Variants in CRB2 observed in about 807,000 individuals in gnomAD.
CRB2 encodes protein crumbs homolog 2.
Under a neutral mutation model 110.9 loss-of-function variants are expected in CRB2, and 85 were observed. The ratio of observed to expected loss-of-function variants is 0.77; its 90% confidence interval spans 0.64 to 0.92. The LOEUF (loss-of-function observed/expected upper bound fraction) is 0.92, where lower values mean the gene tolerates loss of function less well. Among genes scored for constraint, CRB2 ranks in the 40% least tolerant of loss-of-function variants. The pLI is 0.00. For missense variants in CRB2, 1,843 were observed against 1,851.3 expected (o/e 1.00, Z 0.08); for synonymous variants, 907 against 831.0 (o/e 1.09, Z -1.57).
upstream of CRB2, among the ~76,000 whole-genome samples, chr9:123,355,846 G>A (rs955897728): frequency 3.9e-5 from 6 of 151,912 alleles, no homozygotes; most frequent in African/African-American, 9.7e-5. Flanking sequence ...GGTGGGGAGG[G>A]GGATCCAGGA....
At chr9:123,363,377 A>T (rs926781596) in intron 2 of CRB2, among the ~76,000 whole-genome samples, 189 bp downstream of exon 2, 1 of 152,270 alleles carries the variant, frequency 6.6e-6, no homozygotes, top group African/African-American at 2.4e-5. Context: ...GAGAGTATGT[A>T]TGTGCGGGTG....
In CRB2 at chr9:123,372,368, C is replaced by T. The variant is rs548965069; in HGVS notation, c.2602+26C>T. The T allele has an allele frequency of 3.3e-4, 517 of 1,565,436 alleles. 2 individuals are homozygous for T. The South Asian group carries it at 5.3e-3, about 16-fold the overall frequency. ...GTGAGTGTGTGTCCTGGGCAGCTCC[C>T]GTGCTGGGTGCTGGACACCTAAGCT... On this transcript the variant is annotated intron_variant, in intron 9 of 12. Coordinates refer to ENST00000373631, the MANE Select transcript of CRB2 (RefSeq NM_173689.7).
intron 1 of CRB2, among the ~76,000 whole-genome samples, chr9:123,362,423 TC>T (rs2041878999): frequency 6.6e-6 from 1 of 152,154 alleles, no homozygotes; most frequent in Non-Finnish European, 1.5e-5. Flanking sequence ...TTGAAGCCTG[TC>T]CCAGCGAACA....
chr9:123,376,918 C>G lies in CRB2; in HGVS notation c.3714C>G (p.Leu1238=), dbSNP rs1419569166. ...CCTGTGCCTGCCTCCTCCTCCTCCT[C>G]CTGGGCCTCCTTTCAGGGATCCTGG... The part of the protein sequence containing the change: ...PAACACLLLL[L]LGLLSGILAA... Residue 1238 remains leucine, a synonymous_variant, in exon 13 of 13, where the codon CTC becomes CTG. Transcript: ENST00000373631. 3 of 1,608,522 alleles carry G rather than the reference C, an allele frequency of 1.9e-6. No individual in the cohort carries two copies. Among genetic ancestry groups the G allele is most frequent in the South Asian group, 2.2e-5 (2 of 89,842 alleles).
At chr9:123,368,408 C>T (rs915247924) in intron 6 of CRB2, among the ~76,000 whole-genome samples, 3 of 152,178 alleles carry the variant, frequency 2.0e-5, no homozygotes, top group Non-Finnish European at 2.9e-5. Flanking sequence ...CTCCATGGGC[C>T]GAGGTTCCCC....
At position 123,375,269 on chromosome 9, in the gene CRB2, A is replaced by C. The variant is rs1554785663; in HGVS notation, c.3559A>C (p.Thr1187Pro). The C allele has an allele frequency of 6.2e-7, 1 of 1,611,814 alleles. No individual in the cohort carries two copies. Among genetic ancestry groups the C allele is most frequent in the Non-Finnish European group, 8.5e-7 (1 of 1,179,044 alleles). ...CEANPCLNGG[T>P]CRAAGGVSEC... ...AGCCAACCCCTGCTTGAATGGGGGC[A>C]CCTGCCGGGCAGCTGGAGGGGTGTC... The change falls in exon 12 of 13, where the codon ACC becomes CCC. Residue 1187 changes from threonine to proline, a missense_variant. Transcript: ENST00000373631.
intron 6 of CRB2, among the ~76,000 whole-genome samples, chr9:123,368,153 G>T (rs986326852): frequency 6.6e-6 from 1 of 152,014 alleles, no homozygotes; most frequent in South Asian, 2.1e-4. Context: ...GAGCTCCACC[G>T]CCAACACTGA....
intron 6 of CRB2, among the ~76,000 whole-genome samples, chr9:123,368,235 G>A (rs2132765725): frequency 6.6e-6 from 1 of 152,224 alleles, no homozygotes; most frequent in Non-Finnish European, 1.5e-5. Context: ...GGGGCACACT[G>A]CCTCCTCCCC....
At chr9:123,355,716 G>A (rs1016776313), upstream of CRB2, among the ~76,000 whole-genome samples, 24 of 149,172 alleles carry the variant, frequency 1.6e-4, no homozygotes, top group Admixed American at 2.0e-4. Context: ...GGGAGCACTG[G>A]GGAGCAGCAG....
intron 1 of CRB2, among the ~76,000 whole-genome samples, chr9:123,361,615 G>C (rs2041870079): frequency 6.6e-6 from 1 of 151,818 alleles, no homozygotes; most frequent in Non-Finnish European, 1.5e-5. Context: ...GGATGGGGGT[G>C]GGGGGAGGAA....
At position 123,367,362 on chromosome 9, in the gene CRB2, G is replaced by A; in HGVS notation, c.940+5G>A. 6.3e-7 allele frequency: 1 copy of A among 1,597,548 alleles called. No individual in the cohort carries two copies. The highest frequency in any genetic ancestry group is 8.5e-7 in the Non-Finnish European group (1 of 1,178,810). On this transcript the variant is annotated splice_donor_5th_base_variant and intron_variant, in intron 5 of 12. Coordinates refer to ENST00000373631, the MANE Select transcript of CRB2 (RefSeq NM_173689.7). ...ACTGCCCTCCTGGCTTTGAGGGTGAGCCCCTGCTGGGGAAGCGGTCAGCCC... is the reference window on the plus strand; with the variant it reads ...ACTGCCCTCCTGGCTTTGAGGGTGAACCCCTGCTGGGGAAGCGGTCAGCCC...
Position 123,366,483 on chromosome 9 carries a change from C to A in CRB2, c.754+117C>A, listed in dbSNP as rs2041934347. 3.1e-6 allele frequency: 4 copies of A among 1,282,232 alleles called. No homozygotes were observed. The African/African-American group carries it at 6.3e-5, about 20-fold the overall frequency. The allele number at this position is 1,282,232 out of a possible 1,614,324, so 79.4% of individuals were successfully genotyped here. On this transcript the variant is annotated intron_variant, in intron 4 of 12. Transcript: ENST00000373631. Reference sequence around the variant, plus strand: ...CGAGTGCCCGCTGGGTCCTCGGGACCAGAGTGTGTGTGTGATTGCAACCTG... The same window carrying A: ...CGAGTGCCCGCTGGGTCCTCGGGACAAGAGTGTGTGTGTGATTGCAACCTG...
intron 1 of CRB2, 50 bp downstream of exon 1, chr9:123,356,404 A>C: frequency 1.4e-6 from 2 of 1,395,112 alleles, no homozygotes; most frequent in Non-Finnish European, 1.9e-6. Context: ...TCTGTCCCCC[A>C]AGACAGATAC....
Position 123,356,237 on chromosome 9 carries a change from GA to G in CRB2, c.-23del. ...CCGCCCTCCCGTTCTCACAGCAGCC[GA>G]GCAGAGCGCAGAGCGGGCTGCCATG... On this transcript the variant is annotated 5_prime_UTR_variant, in exon 1 of 13. Transcript: ENST00000373631. 7.9e-7 allele frequency: 1 copy of G among 1,261,012 alleles called. No individual in the cohort carries two copies. The highest frequency in any genetic ancestry group is 1.0e-6 in the Non-Finnish European group (1 of 977,494). 78.1% of individuals were successfully genotyped at this position (1,261,012 alleles called of 1,614,324 possible). A position where few individuals can be genotyped will look rare whatever the true frequency, so the allele number is the denominator to read the frequency against.
intron 8 of CRB2, among the ~76,000 whole-genome samples, chr9:123,371,784 C>CG (rs1423184025): frequency 6.6e-6 from 1 of 152,188 alleles, no homozygotes; most frequent in Non-Finnish European, 1.5e-5. Flanking sequence ...TACCCTCTGG[C>CG]GGTCCCCGTG....
chr9:123,361,391 A>G (rs78506142), intron 1 of CRB2, among the ~76,000 whole-genome samples: 6,024 of 152,266 alleles, frequency 0.04, 289 homozygotes, highest in African/African-American at 0.12. Context: ...CGATGCCCCA[A>G]ACCTGTGCCC....
Position 123,367,362 on chromosome 9 carries a change from G to C in CRB2, c.940+5G>C. The stretch of plus-strand genomic sequence containing the variant: ...ACTGCCCTCCTGGCTTTGAGGGTGA[G>C]CCCCTGCTGGGGAAGCGGTCAGCCC... On this transcript the variant is annotated splice_donor_5th_base_variant and intron_variant, in intron 5 of 12. Coordinates refer to ENST00000373631, the MANE Select transcript of CRB2 (RefSeq NM_173689.7). 6.3e-7 allele frequency: 1 copy of C among 1,597,548 alleles called. No individual in the cohort carries two copies. The highest frequency in any genetic ancestry group is 8.5e-7 in the Non-Finnish European group (1 of 1,178,810).
At position 123,371,189 on chromosome 9, in the gene CRB2, G is replaced by T; in HGVS notation, c.2047G>T (p.Gly683Cys). 1 of 1,613,878 alleles carries T rather than the reference G, an allele frequency of 6.2e-7. No individual in the cohort carries two copies. The highest frequency in any genetic ancestry group is 8.5e-7 in the Non-Finnish European group (1 of 1,180,048). Residue 683 changes from glycine (G) to cysteine (C), a missense_variant, in exon 8 of 13, where the codon GGC (glycine) becomes TGC (cysteine). By Grantham distance (159) the Gly-to-Cys change is radical. Coordinates refer to ENST00000373631, the MANE Select transcript of CRB2 (RefSeq NM_173689.7). The part of the protein sequence containing the change: ...SFLLRTRESA[G>C]LLLQFANDSA... ...CCTTCTCCGCACTCGGGAGTCCGCT[G>T]GCCTGTTGCTCCAGTTTGCCAATGA... is the stretch of plus-strand genomic sequence containing the variant.
Position 123,376,910 on chromosome 9 carries a change from C to T in CRB2, c.3706C>T (p.Leu1236Phe), listed in dbSNP as rs1247869235. 6.2e-7 allele frequency: 1 copy of T among 1,608,980 alleles called. No individual in the cohort carries two copies. The highest frequency in any genetic ancestry group is 1.7e-5 in the Admixed American group (1 of 59,534). ...ACCTGCAGCCTGTGCCTGCCTCCTC[C>T]TCCTCCTCCTGGGCCTCCTTTCAGG... ...AVPAACACLL[L>F]LLLGLLSGIL... is the part of the protein sequence containing the mutation. The change falls in exon 13 of 13, where the codon CTC becomes TTC. Residue 1236 changes from leucine (L) to phenylalanine (F), a missense_variant. By Grantham distance (22) the Leu-to-Phe change is conservative. Transcript: ENST00000373631.
Sources: allele counts gnomAD v4.1 joint callset (sites outside exome capture counted in the v4.1 genomes callset), GRCh38; gene constraint gnomAD v4.1.1; transcripts MANE v1.5; gene names NCBI Gene and HGNC (gene_info 2026-07-23, HGNC 2026-07-21).